The following ZNF385D variants were observed in gnomAD, a reference collection of about 807,000 sequenced individuals.
ZNF385D encodes zinc finger protein 659.
A neutral mutation model predicts 35.8 loss-of-function variants in ZNF385D; 15 were observed. The observed-to-expected ratio is 0.42, with a 90% CI of 0.28 to 0.64. ZNF385D has a LOEUF of 0.64. Among genes scored for constraint, ZNF385D ranks in the 30% least tolerant of loss-of-function variants. The probability of loss-of-function intolerance (pLI) is 0.23; values close to 1 mark genes in which losing one functional copy is unlikely to be tolerated. For synonymous variants in ZNF385D, 212 were observed against 186.8 expected, an observed-to-expected ratio of 1.13 and a Z score of -1.10; for missense variants, 474 against 494.6, an observed-to-expected ratio of 0.96 and a Z score of 0.39.
intron 3 of ZNF385D, among the ~76,000 whole-genome samples, chr3:22,126,573 G>A (rs567428854): frequency 5.9e-5 from 9 of 151,878 alleles, no homozygotes; most frequent in East Asian, 5.8e-4. Context: ...TTTTCTGAAC[G>A]TTTTAAGACT....
In ZNF385D at chr3:21,421,148, T is replaced by C; in HGVS notation, c.*66A>G. Reference sequence around the variant, plus strand: ...ACTATAAATAAACACTGCATAGTTCTCTTTTGTTTGTTTTGTTTTTTGTTT... The same window carrying C: ...ACTATAAATAAACACTGCATAGTTCCCTTTTGTTTGTTTTGTTTTTTGTTT... On this transcript the variant is annotated 3_prime_UTR_variant, in exon 8 of 8. Transcript: ENST00000281523. The C allele has an allele frequency of 1.5e-6, 2 of 1,330,480 alleles. No individual in the cohort carries two copies. The highest frequency in any genetic ancestry group is 2.4e-5 in the East Asian group (1 of 41,688). The allele number at this position is 1,330,480 out of a possible 1,614,324, so 82.4% of individuals were successfully genotyped here.
At chr3:21,934,033 A>G (rs550088986) in intron 3 of ZNF385D, among the ~76,000 whole-genome samples, 60 of 152,274 alleles carry the variant, frequency 3.9e-4, no homozygotes, top group Non-Finnish European at 6.3e-4. Context: ...CTTTGGCTAA[A>G]AAAAAAGTGC....
In ZNF385D at chr3:21,854,265, T is replaced by C. The variant is rs17009850; in HGVS notation, c.326-189237A>G. 4.5e-3 allele frequency among the ~76,000 whole-genome samples: 688 copies of C among 152,082 alleles called. 6 individuals are homozygous for C. Among genetic ancestry groups the C allele is most frequent in the African/African-American group, 0.015 (636 of 41,548 alleles). On this transcript the variant is annotated intron_variant, in intron 3 of 5. Coordinates refer to the ZNF385D transcript ENST00000494108. ...CATTTCCTGGCTACAATATTTGCTT[T>C]TTAACCATAGAAAAGAAAACTTTCA...
At chr3:21,808,759 G>A (rs2072768923) in intron 3 of ZNF385D, among the ~76,000 whole-genome samples, 1 of 152,140 alleles carries the variant, frequency 6.6e-6, no homozygotes. Flanking sequence ...AGAGTCCCAG[G>A]GGAAACCCTA....
At position 21,496,393 on chromosome 3, in the gene ZNF385D, CAT is replaced by C. The variant is rs778554274; in HGVS notation, c.439+14466_439+14467del. Among the ~76,000 whole-genome samples the C allele has an allele frequency of 2.5e-3, 354 of 143,424 alleles. 1 individual carries two copies. The highest frequency in any genetic ancestry group is 8.6e-3 in the African/African-American group (335 of 39,082). 94.1% of individuals were successfully genotyped at this position (143,424 alleles called of 152,430 possible). ...ACACACATATATTTGATATATATAT[CAT>C]ATATACACACATATATTTGATATAT... On this transcript the variant is annotated intron_variant, in intron 4 of 7. Transcript: ENST00000281523.
At chr3:21,665,145 G>A in intron 1 of ZNF385D, 117 bp from the exon 2 acceptor site, 2 of 1,321,820 alleles carry the variant, frequency 1.5e-6, no homozygotes, top group Non-Finnish European at 2.0e-6. Flanking sequence ...AACAAGACAT[G>A]GACTCTATTG....
chr3:21,691,151 T>C (rs1185553247), intron 1 of ZNF385D, among the ~76,000 whole-genome samples: 1 of 152,126 alleles, frequency 6.6e-6, no homozygotes, highest in African/African-American at 2.4e-5. Flanking sequence ...CTTTAACTTT[T>C]GACCGCAGCT....
chr3:22,165,935 T>C (rs776483351), intron 3 of ZNF385D, among the ~76,000 whole-genome samples: 10 of 152,198 alleles, frequency 6.6e-5, no homozygotes, highest in Non-Finnish European at 1.3e-4. Context: ...CCAGATCAAA[T>C]ATCTTTGAAA....
chr3:21,618,966 GACTAAC>G (rs1254531470), intron 2 of ZNF385D, among the ~76,000 whole-genome samples: 1 of 152,152 alleles, frequency 6.6e-6, no homozygotes, highest in East Asian at 1.9e-4. Flanking sequence ...AGCCAGTTGA[GACTAAC>G]AGTTCTTCAA....
At chr3:22,047,726 T>G (rs964739552) in intron 3 of ZNF385D, among the ~76,000 whole-genome samples, 2 of 152,186 alleles carry the variant, frequency 1.3e-5, no homozygotes, top group East Asian at 3.8e-4. Context: ...AGTTATCTAT[T>G]TGACATACTG....
At chr3:21,596,596 TCAGCCTACTGGCCAGCTGAGACTA>T (rs2125748471) in intron 2 of ZNF385D, among the ~76,000 whole-genome samples, 1 of 151,428 alleles carries the variant, frequency 6.6e-6, no homozygotes, top group Admixed American at 6.6e-5. Flanking sequence ...TCCTCCTGCC[TCAGCCTACTGGCCAGCTGAGACTA>T]CAGGCAACAT....
At chr3:21,424,321 T>TATATATATATATATATATA (rs1700905780) in intron 6 of ZNF385D, among the ~76,000 whole-genome samples, 3 of 47,756 alleles carry the variant, frequency 6.3e-5, no homozygotes, top group African/African-American at 1.3e-4. Context: ...ATATATATTT[T>TATATATATATATATATATA]TTTTTTTTTT....
At chr3:22,133,190 A>T (rs1451237702) in intron 3 of ZNF385D, among the ~76,000 whole-genome samples, 2 of 152,302 alleles carry the variant, frequency 1.3e-5, no homozygotes, top group South Asian at 2.1e-4. Context: ...AAGGATTTGG[A>T]TTCTTAAATA....
At chr3:21,632,862 A>G (rs1336082262) in intron 2 of ZNF385D, among the ~76,000 whole-genome samples, 1 of 152,154 alleles carries the variant, frequency 6.6e-6, no homozygotes, top group Admixed American at 6.6e-5. Context: ...ATTATTTTTC[A>G]TGTATCTTAG....
chr3:21,719,564 G>A (rs539932324), intron 1 of ZNF385D, among the ~76,000 whole-genome samples: 1 of 152,314 alleles, frequency 6.6e-6, no homozygotes, highest in South Asian at 2.1e-4. Flanking sequence ...CCCCTGGGTA[G>A]AGATTTAAGA....
At chr3:21,794,407 AAC>A (rs2072060312) in intron 3 of ZNF385D, among the ~76,000 whole-genome samples, 1 of 152,076 alleles carries the variant, frequency 6.6e-6, no homozygotes, top group South Asian at 2.1e-4. Flanking sequence ...AACGACAGAA[AAC>A]ACAGTGGATT....
At chr3:22,165,113 G>A (rs760346530) in intron 3 of ZNF385D, among the ~76,000 whole-genome samples, 35 of 152,170 alleles carry the variant, frequency 2.3e-4, no homozygotes, top group African/African-American at 8.0e-4. Flanking sequence ...TAAACCCACA[G>A]AATGTACAAC....
At chr3:21,930,148 G>C (rs1440533714) in intron 3 of ZNF385D, among the ~76,000 whole-genome samples, 1 of 151,938 alleles carries the variant, frequency 6.6e-6, no homozygotes, top group Non-Finnish European at 1.5e-5. Flanking sequence ...CATACTTTAT[G>C]ACAATTAGTT....
At chr3:21,888,078 C>T (rs1043150052) in intron 3 of ZNF385D, among the ~76,000 whole-genome samples, 3 of 152,080 alleles carry the variant, frequency 2.0e-5, no homozygotes, top group African/African-American at 7.2e-5. Flanking sequence ...TCAATAATTG[C>T]TCCCCCCCTT....
Sources: gnomAD v4.1 joint callset for allele counts (sites outside exome capture counted in the v4.1 genomes callset) on GRCh38, gnomAD v4.1.1 for gene constraint, MANE v1.5 for transcripts, NCBI Gene and HGNC (gene_info 2026-07-23, HGNC 2026-07-21) for gene names.